The following CDH8 variants were observed in gnomAD, a reference collection of about 807,000 sequenced individuals.
CDH8 encodes the protein cadherin-8.
A neutral mutation model predicts 68.1 loss-of-function variants in CDH8; 17 were observed. The observed-to-expected ratio is 0.25, with a 90% CI of 0.17 to 0.37. The LOEUF (loss-of-function observed/expected upper bound fraction) is 0.37, where lower values mean the gene tolerates loss of function less well. Among genes scored for constraint, CDH8 ranks in the 10% least tolerant of loss-of-function variants. CDH8 has a pLI of 1.00. For missense variants in CDH8, 763 were observed against 999.3 expected (o/e 0.76, Z 3.19); for synonymous variants, 372 against 365.1 (o/e 1.02, Z -0.21).
At chr16:61,971,130 T>C (rs1275707056) in intron 2 of CDH8, among the ~76,000 whole-genome samples, 2 of 152,158 alleles carry the variant, frequency 1.3e-5, no homozygotes, top group African/African-American at 2.4e-5. Flanking sequence ...TCACCGCCTA[T>C]CCCAAAACTT....
At chr16:61,768,365 T>TCG (rs1960673122) in intron 8 of CDH8, among the ~76,000 whole-genome samples, 1 of 100,840 alleles carries the variant, frequency 9.9e-6, no homozygotes, top group East Asian at 3.1e-4. Flanking sequence ...TCTCTCTCTC[T>TCG]CTCCCTTTCT....
At chr16:61,755,231 A>G (rs186721899) in intron 8 of CDH8, among the ~76,000 whole-genome samples, 1 of 152,266 alleles carries the variant, frequency 6.6e-6, no homozygotes, top group Non-Finnish European at 1.5e-5. Flanking sequence ...ATTTGTCAGT[A>G]AGGGAGTATT....
chr16:61,694,240 G>T (rs1047442773), intron 10 of CDH8, among the ~76,000 whole-genome samples: 1 of 152,180 alleles, frequency 6.6e-6, no homozygotes, highest in African/African-American at 2.4e-5. Context: ...CAATGGATTT[G>T]TTTGTCTTGT....
chr16:61,707,765 A>G (rs1426413322), intron 10 of CDH8, among the ~76,000 whole-genome samples: 1 of 152,100 alleles, frequency 6.6e-6, no homozygotes, highest in South Asian at 2.1e-4. Flanking sequence ...TTTCAAAAAA[A>G]AAGAATTTGC....
At chr16:61,992,888 A>G (rs1057504110) in intron 2 of CDH8, among the ~76,000 whole-genome samples, 3 of 152,042 alleles carry the variant, frequency 2.0e-5, no homozygotes, top group Non-Finnish European at 2.9e-5. Context: ...TCCTGGGCTC[A>G]TAGGATCCTC....
chr16:61,927,671 C>CA (rs1483797286), intron 2 of CDH8, among the ~76,000 whole-genome samples: 4 of 152,152 alleles, frequency 2.6e-5, no homozygotes, highest in Non-Finnish European at 2.9e-5. Flanking sequence ...GGCACCCCGT[C>CA]AGGCACCCCA....
rs368850293 is a variant in CDH8 at position 61,960,023 on chromosome 16, T to TAC, written c.253-58552_253-58551dup. Among the ~76,000 whole-genome samples the TAC allele has an allele frequency of 1.8e-3, 98 of 54,450 alleles. 9 individuals are homozygous for TAC. Among genetic ancestry groups the TAC allele is most frequent in the Non-Finnish European group, 2.7e-3 (86 of 31,494 alleles). 35.7% of individuals were successfully genotyped at this position (54,450 alleles called of 152,430 possible). On this transcript the variant is annotated intron_variant, in intron 2 of 11. Coordinates refer to ENST00000577390, the MANE Select transcript of CDH8 (RefSeq NM_001796.5). Reference sequence around the variant, plus strand: ...ATATATATATATATATATACACACATACACACACACACACAACATATATGT... The same window carrying TAC: ...ATATATATATATATATATACACACATACACACACACACACACAACATATATGT...
intron 8 of CDH8, among the ~76,000 whole-genome samples, chr16:61,730,845 A>T (rs1959514507): frequency 6.6e-6 from 1 of 151,658 alleles, no homozygotes; most frequent in South Asian, 2.1e-4. Flanking sequence ...AGCCATCTTA[A>T]CACACCGTTC....
chr16:61,843,967 A>C (rs1007518071), intron 4 of CDH8, among the ~76,000 whole-genome samples: 6 of 151,950 alleles, frequency 3.9e-5, no homozygotes, highest in Non-Finnish European at 7.4e-5. Flanking sequence ...TTTGATTTGC[A>C]TTTCTCTGAG....
intron 2 of CDH8, among the ~76,000 whole-genome samples, chr16:61,986,229 T>C (rs748310047): frequency 3.9e-5 from 6 of 152,130 alleles, no homozygotes; most frequent in African/African-American, 9.6e-5. Flanking sequence ...TGGCCAAATA[T>C]CTGTATTCCT....
intron 3 of CDH8, among the ~76,000 whole-genome samples, chr16:61,866,162 C>T (rs1963249638): frequency 6.6e-6 from 1 of 151,644 alleles, no homozygotes; most frequent in South Asian, 2.1e-4. Context: ...AAGTTGAGGC[C>T]AGAGTGAGCT....
intron 3 of CDH8, among the ~76,000 whole-genome samples, chr16:61,880,274 C>T (rs977144090): frequency 6.6e-6 from 1 of 152,168 alleles, no homozygotes; most frequent in Non-Finnish European, 1.5e-5. Flanking sequence ...TAATCTGAAG[C>T]TGGAAGGGTA....
At chr16:61,733,356 CT>C (rs1265652470) in intron 8 of CDH8, among the ~76,000 whole-genome samples, 4 of 151,694 alleles carry the variant, frequency 2.6e-5, no homozygotes, top group Non-Finnish European at 5.9e-5. Flanking sequence ...AGGAATATAA[CT>C]GATTTGATAA....
At position 61,653,131 on chromosome 16, in the gene CDH8, C is replaced by G; in HGVS notation, c.*477G>C. On this transcript the variant is annotated 3_prime_UTR_variant, in exon 12 of 12. Transcript: ENST00000577390. ...CAAAAAGTTATAATGTACAGCAGAC[C>G]AAGTATTGCTTTATCATTTGTGGCG... is the stretch of plus-strand genomic sequence containing the variant. The G allele has an allele frequency of 8.1e-7, 1 of 1,240,504 alleles. No homozygotes were observed. The highest frequency in any genetic ancestry group is 1.0e-6 in the Non-Finnish European group (1 of 993,092). 76.8% of individuals were successfully genotyped at this position (1,240,504 alleles called of 1,614,324 possible). A position where few individuals can be genotyped will look rare whatever the true frequency, so the allele number is the denominator to read the frequency against.
intron 8 of CDH8, among the ~76,000 whole-genome samples, chr16:61,735,664 C>T (rs779450016): frequency 2.2e-4 from 34 of 152,230 alleles, no homozygotes; most frequent in Non-Finnish European, 4.4e-4. Context: ...TACTCATTTT[C>T]ACTGTATTGT....
chr16:61,982,182 A>C (rs966341586), intron 2 of CDH8, among the ~76,000 whole-genome samples: 1 of 152,180 alleles, frequency 6.6e-6, no homozygotes, highest in Non-Finnish European at 1.5e-5. Context: ...CTGAGCAAGA[A>C]ACAGAATTCT....
intron 3 of CDH8, among the ~76,000 whole-genome samples, chr16:61,880,687 T>C (rs977306620): frequency 1.3e-5 from 2 of 152,182 alleles, no homozygotes; most frequent in African/African-American, 4.8e-5. Flanking sequence ...TTGATGGAGA[T>C]GCCATGTTCA....
intron 9 of CDH8, among the ~76,000 whole-genome samples, chr16:61,717,696 A>G (rs1271759418): frequency 6.6e-6 from 1 of 151,476 alleles, no homozygotes; most frequent in African/African-American, 2.4e-5. Context: ...GTTCCTGTAG[A>G]TATTATTTAT....
intron 10 of CDH8, among the ~76,000 whole-genome samples, chr16:61,657,056 GT>G (rs72054991): frequency 0.34 from 50,443 of 148,206 alleles, 8,763 homozygotes; most frequent in African/African-American, 0.42. Flanking sequence ...ATAATTATTT[GT>G]TTTTTTTTTT....
Sources: allele counts gnomAD v4.1 joint callset (sites outside exome capture counted in the v4.1 genomes callset), GRCh38; gene constraint gnomAD v4.1.1; transcripts MANE v1.5; gene names NCBI Gene and HGNC (gene_info 2026-07-23, HGNC 2026-07-21).